The following HCRTR2 variants were observed in gnomAD, a reference collection of about 807,000 sequenced individuals.
HCRTR2 encodes the protein hypocretin receptor 2.
Under a neutral mutation model 49.0 loss-of-function variants are expected in HCRTR2, and 22 were observed. That is an observed-to-expected ratio of 0.45 (90% CI 0.32 to 0.64). The LOEUF (loss-of-function observed/expected upper bound fraction) is 0.64. Ranked by LOEUF, HCRTR2 falls within the 30% of genes least tolerant of loss-of-function variation. The pLI, the probability that HCRTR2 is intolerant of heterozygous loss-of-function variation, is 0.04. For missense variants in HCRTR2, 491 were observed against 559.4 expected (o/e 0.88, Z 1.23); for synonymous variants, 236 against 205.3 (o/e 1.15, Z -1.28).
chr6:55,112,665 T>C (rs1298690193), intron 1 of HCRTR2, among the ~76,000 whole-genome samples: 1 of 150,094 alleles, frequency 6.7e-6, no homozygotes, highest in Non-Finnish European at 1.5e-5. Context: ...TGGAAAAACA[T>C]CCCATGTTCA....
chr6:55,223,416 G>A (rs1347643355), intron 1 of HCRTR2, among the ~76,000 whole-genome samples: 6 of 152,100 alleles, frequency 3.9e-5, no homozygotes, highest in African/African-American at 1.2e-4. Flanking sequence ...ATACAGCATC[G>A]CTTTTAAAAC....
At chr6:55,189,167 A>G (rs1447342421) in intron 1 of HCRTR2, among the ~76,000 whole-genome samples, 1 of 152,110 alleles carries the variant, frequency 6.6e-6, no homozygotes, top group Non-Finnish European at 1.5e-5. Context: ...GTAGTGTATT[A>G]TGGTGGATTG....
rs137903836 is a variant in HCRTR2 at position 55,268,862 on chromosome 6, G to A, written c.762+5040G>A. On this transcript the variant is annotated intron_variant, in intron 4 of 6. Transcript: ENST00000370862. ...TCCCAGCACTTTGGGAGGCTGAGGC[G>A]GGTGGATCACGAGGTCAGAAGATTG... is the stretch of plus-strand genomic sequence containing the variant. Among the ~76,000 whole-genome samples the A allele has an allele frequency of 8.9e-4, 135 of 151,976 alleles. 1 individual carries two copies. In the East Asian group the frequency reaches 0.017, roughly 19 times the overall value.
chr6:55,149,143 C>G (rs1481927297), intron 1 of HCRTR2, among the ~76,000 whole-genome samples: 1 of 151,896 alleles, frequency 6.6e-6, no homozygotes, highest in Admixed American at 6.6e-5. Flanking sequence ...ATCTTCTGTT[C>G]CCTGTCATTT....
At chr6:55,133,265 C>A (rs1764383573) in intron 1 of HCRTR2, among the ~76,000 whole-genome samples, 1 of 151,604 alleles carries the variant, frequency 6.6e-6, no homozygotes, top group African/African-American at 2.4e-5. Flanking sequence ...GTTTTCAGTC[C>A]TTTCTCTCAT....
chr6:55,131,273 C>G (rs903154242), intron 1 of HCRTR2, among the ~76,000 whole-genome samples: 1 of 151,200 alleles, frequency 6.6e-6, no homozygotes, highest in African/African-American at 2.4e-5. Flanking sequence ...AAGATTTTAC[C>G]TTTTCAGATT....
At chr6:55,219,933 T>A (rs1765860787) in intron 1 of HCRTR2, among the ~76,000 whole-genome samples, 1 of 151,986 alleles carries the variant, frequency 6.6e-6, no homozygotes, top group South Asian at 2.1e-4. Context: ...ACTAACAAAT[T>A]GGATAACCTA....
intron 1 of HCRTR2, among the ~76,000 whole-genome samples, chr6:55,218,112 A>G (rs560160152): frequency 3.3e-5 from 5 of 152,128 alleles, no homozygotes; most frequent in African/African-American, 9.6e-5. Context: ...TAACAGACCC[A>G]CTCTTGACGA....
chr6:55,234,529 A>G (rs1258362850), intron 1 of HCRTR2, among the ~76,000 whole-genome samples: 1 of 152,176 alleles, frequency 6.6e-6, no homozygotes, highest in Non-Finnish European at 1.5e-5. Context: ...CACATCCTAA[A>G]GAAGGCATCA....
chr6:55,127,119 GA>G (rs199716908), intron 1 of HCRTR2, among the ~76,000 whole-genome samples: 12 of 151,660 alleles, frequency 7.9e-5, no homozygotes, highest in African/African-American at 2.7e-4. Flanking sequence ...TGGGGTATGG[GA>G]AAAAAAAATT....
intron 1 of HCRTR2, among the ~76,000 whole-genome samples, chr6:55,229,140 G>A (rs1021323532): frequency 6.6e-6 from 1 of 152,168 alleles, no homozygotes; most frequent in Non-Finnish European, 1.5e-5. Flanking sequence ...CAAGGATGTG[G>A]AGAAATTGGA....
intron 1 of HCRTR2, among the ~76,000 whole-genome samples, chr6:55,222,416 C>T (rs1419383873): frequency 6.6e-6 from 1 of 152,038 alleles, no homozygotes; most frequent in African/African-American, 2.4e-5. Flanking sequence ...ACTATACGAT[C>T]CAGTAATCCC....
chr6:55,233,075 T>C (rs989654644), intron 1 of HCRTR2, among the ~76,000 whole-genome samples: 10 of 151,352 alleles, frequency 6.6e-5, no homozygotes. Flanking sequence ...AAATGGATTT[T>C]TGAAAAATGA....
intron 1 of HCRTR2, among the ~76,000 whole-genome samples, chr6:55,196,763 A>G (rs1765424434): frequency 6.6e-6 from 1 of 152,212 alleles, no homozygotes; most frequent in Non-Finnish European, 1.5e-5. Flanking sequence ...AAGGAAAACA[A>G]GAAACTCTGA....
intron 1 of HCRTR2, among the ~76,000 whole-genome samples, chr6:55,155,483 A>AG (rs1396038153): frequency 1.6e-4 from 25 of 152,120 alleles, no homozygotes; most frequent in African/African-American, 6.0e-4. Flanking sequence ...AATTCACATC[A>AG]TTACTAGCAA....
chr6:55,165,777 A>ATATATC (rs1561992769), intron 1 of HCRTR2, among the ~76,000 whole-genome samples: 1 of 52,912 alleles, frequency 1.9e-5, no homozygotes, highest in African/African-American at 5.5e-5. Flanking sequence ...ATATATATAT[A>ATATATC]TATATATATA....
At chr6:55,233,322 C>T (rs545113547) in intron 1 of HCRTR2, among the ~76,000 whole-genome samples, 1 of 152,184 alleles carries the variant, frequency 6.6e-6, no homozygotes, top group East Asian at 1.9e-4. Context: ...AACTCCTGAC[C>T]TCAGGTGATC....
chr6:55,206,088 C>T lies in HCRTR2; in HGVS notation c.223+31278C>T, dbSNP rs561757959. On this transcript the variant is annotated intron_variant, in intron 1 of 6. Coordinates refer to ENST00000370862, the MANE Select transcript of HCRTR2 (RefSeq NM_001384272.1). ...CATTCATTTTTTGGAATATCAGGTC[C>T]AATTAAATATTTAATCAGACTTTGA... 9.2e-4 allele frequency among the ~76,000 whole-genome samples: 140 copies of T among 151,958 alleles called. 1 individual carries two copies. The highest frequency in any genetic ancestry group is 3.2e-3 in the African/African-American group (134 of 41,468).
chr6:55,279,770 C>T (rs1767152614), intron 5 of HCRTR2, among the ~76,000 whole-genome samples: 1 of 151,756 alleles, frequency 6.6e-6, no homozygotes, highest in Admixed American at 6.6e-5. Flanking sequence ...AAAATTAACA[C>T]TCATTAATTT....
Sources: allele counts gnomAD v4.1 joint callset (sites outside exome capture counted in the v4.1 genomes callset), GRCh38; gene constraint gnomAD v4.1.1; transcripts MANE v1.5; gene names NCBI Gene and HGNC (gene_info 2026-07-23, HGNC 2026-07-21).